The following NBEA variants were observed in gnomAD, a reference collection of about 807,000 sequenced individuals.
NBEA encodes neurobeachin.
In NBEA, 44 loss-of-function variants were observed where a neutral mutation model predicts 343.4. That is an observed-to-expected ratio of 0.13 (90% CI 0.10 to 0.16). The LOEUF (loss-of-function observed/expected upper bound fraction) is 0.16, where lower values mean the gene tolerates loss of function less well. Among genes scored for constraint, NBEA ranks in the 10% least tolerant of loss-of-function variants. The pLI, the probability that NBEA is intolerant of heterozygous loss-of-function variation, is 1.00. For synonymous variants in NBEA, 1,175 were observed against 1,238.7 expected, an observed-to-expected ratio of 0.95 and a Z score of 1.08; for missense variants, 2,555 against 3,631.3, an observed-to-expected ratio of 0.70 and a Z score of 7.62.
chr13:35,140,878 G>A (rs1178542126), intron 17 of NBEA, among the ~76,000 whole-genome samples: 1 of 152,156 alleles, frequency 6.6e-6, no homozygotes, highest in African/African-American at 2.4e-5. Flanking sequence ...TTCCCAAGCA[G>A]TTGATTATCT....
intron 53 of NBEA, 94 bp from the exon 54 acceptor site, chr13:35,654,761 A>C (rs1007826126): frequency 2.8e-5 from 27 of 958,414 alleles, no homozygotes; most frequent in Non-Finnish European, 4.1e-5. Context: ...ATTTCTGGAT[A>C]AATGAAGCAT....
chr13:35,421,894 T>C (rs1308034689), intron 38 of NBEA, among the ~76,000 whole-genome samples: 1 of 152,134 alleles, frequency 6.6e-6, no homozygotes, highest in Non-Finnish European at 1.5e-5. Context: ...TCTGTTTTAC[T>C]TCTGCAGATG....
chr13:35,249,356 G>A (rs530345072), intron 34 of NBEA, among the ~76,000 whole-genome samples: 32 of 152,116 alleles, frequency 2.1e-4, no homozygotes, highest in African/African-American at 6.5e-4. Flanking sequence ...AGAAAATATT[G>A]CACATTATAT....
At chr13:35,613,492 A>G (rs904584325) in intron 48 of NBEA, among the ~76,000 whole-genome samples, 3 of 152,212 alleles carry the variant, frequency 2.0e-5, no homozygotes, top group African/African-American at 7.2e-5. Context: ...GCTATTATGA[A>G]TAATGCTGCA....
At chr13:34,969,598 G>A (rs1463027471) in intron 1 of NBEA, among the ~76,000 whole-genome samples, 1 of 151,904 alleles carries the variant, frequency 6.6e-6, no homozygotes, top group African/African-American at 2.4e-5. Context: ...CCCTCTATGT[G>A]TCAGTGTATT....
chr13:35,122,709 T>G (rs1187073607), intron 16 of NBEA, among the ~76,000 whole-genome samples: 1 of 152,120 alleles, frequency 6.6e-6, no homozygotes, highest in Non-Finnish European at 1.5e-5. Flanking sequence ...CCCTAGAACT[T>G]AAAGTATATA....
At chr13:34,997,496 C>T (rs1213426431) in intron 1 of NBEA, among the ~76,000 whole-genome samples, 2 of 152,136 alleles carry the variant, frequency 1.3e-5, no homozygotes, top group African/African-American at 4.8e-5. Flanking sequence ...ATCAAAAACT[C>T]TTACATGTAA....
At chr13:35,491,508 C>T (rs995900336) in intron 41 of NBEA, among the ~76,000 whole-genome samples, 1 of 151,744 alleles carries the variant, frequency 6.6e-6, no homozygotes, top group African/African-American at 2.4e-5. Flanking sequence ...GCCTTTTTTC[C>T]GGTTTCTTAG....
chr13:34,959,967 T>A (rs1403857146), intron 1 of NBEA, among the ~76,000 whole-genome samples: 1 of 152,172 alleles, frequency 6.6e-6, no homozygotes, highest in Admixed American at 6.6e-5. Flanking sequence ...CTGTACTTTT[T>A]ATCATTATTT....
intron 38 of NBEA, among the ~76,000 whole-genome samples, chr13:35,419,135 T>G (rs2097147218): frequency 6.6e-6 from 1 of 152,084 alleles, no homozygotes; most frequent in South Asian, 2.1e-4. Flanking sequence ...CAAAAAGTTT[T>G]GGGTTTTGGA....
chr13:35,455,628 A>G (rs1237527244), intron 40 of NBEA, among the ~76,000 whole-genome samples: 1 of 152,132 alleles, frequency 6.6e-6, no homozygotes, highest in Non-Finnish European at 1.5e-5. Context: ...ATAGCTGAAA[A>G]TATTGACAAA....
intron 35 of NBEA, among the ~76,000 whole-genome samples, chr13:35,306,019 A>G (rs562654313): frequency 2.2e-4 from 33 of 152,162 alleles, no homozygotes; most frequent in Non-Finnish European, 4.4e-4. Context: ...TTAAATTCGT[A>G]TATCAAATGA....
chr13:35,358,794 G>A (rs2040643154), intron 38 of NBEA, among the ~76,000 whole-genome samples: 1 of 152,104 alleles, frequency 6.6e-6, no homozygotes, highest in Non-Finnish European at 1.5e-5. Context: ...GTACTTTGAA[G>A]GAGCACATAA....
At chr13:35,615,136 A>C (rs1321043653) in intron 48 of NBEA, among the ~76,000 whole-genome samples, 6 of 149,652 alleles carry the variant, frequency 4.0e-5, no homozygotes, top group Non-Finnish European at 7.4e-5. Flanking sequence ...ATACAAAAAA[A>C]AAAAAAACAA....
At chr13:35,109,167 AT>A in intron 11 of NBEA, 122 bp from the exon 12 acceptor site, 1 of 841,848 alleles carries the variant, frequency 1.2e-6, no homozygotes, top group Non-Finnish European at 1.7e-6. Flanking sequence ...AAGAAAACAA[AT>A]GTTTATTTCA....
intron 41 of NBEA, among the ~76,000 whole-genome samples, chr13:35,537,357 A>T (rs1313245538): frequency 6.6e-6 from 1 of 152,062 alleles, no homozygotes; most frequent in Non-Finnish European, 1.5e-5. Flanking sequence ...CAAAATCAGA[A>T]ATCAGACTCT....
In NBEA at chr13:35,654,895, C is replaced by T. The variant is rs1362127662; in HGVS notation, c.8076C>T (p.Leu2692=). Residue 2692 remains leucine (L), a synonymous_variant, in exon 54 of 59, where the codon CTC becomes CTT. Transcript: ENST00000379939. ...SGVNKRQITD[L]VDQSIQINAH... ...TAAACAAACGGCAGATCACAGACCT[C>T]GTTGACCAGAGTATACAAATCAATG... is the stretch of plus-strand genomic sequence containing the variant. 5.0e-6 allele frequency: 8 copies of T among 1,585,328 alleles called. No individual in the cohort carries two copies. Among genetic ancestry groups the T allele is most frequent in the East Asian group, 4.7e-5 (2 of 42,832 alleles).
At chr13:35,338,327 A>G (rs1007165873) in intron 36 of NBEA, among the ~76,000 whole-genome samples, 5 of 151,884 alleles carry the variant, frequency 3.3e-5, no homozygotes, top group Admixed American at 6.6e-5. Flanking sequence ...ACTATAAACC[A>G]TTGTGTCAAT....
intron 13 of NBEA, among the ~76,000 whole-genome samples, chr13:35,116,449 A>G (rs113251642): frequency 0.016 from 2,413 of 152,292 alleles, 68 homozygotes; most frequent in African/African-American, 0.049. Context: ...TAGGAGGGGA[A>G]GAGTACTTTG....
Sources: allele counts gnomAD v4.1 joint callset (sites outside exome capture counted in the v4.1 genomes callset), GRCh38; gene constraint gnomAD v4.1.1; transcripts MANE v1.5; gene names NCBI Gene and HGNC (gene_info 2026-07-23, HGNC 2026-07-21).